The following SH3YL1 variants were observed in gnomAD, a reference collection of about 807,000 sequenced individuals.
SH3YL1 encodes SH3 and SYLF domain containing 1.
SH3YL1 carries 41 observed loss-of-function variants against 45.8 expected under a neutral mutation model. That is an observed-to-expected ratio of 0.89 (90% CI 0.70 to 1.16). The LOEUF is 1.16. Ranked by LOEUF, SH3YL1 falls within the 50% of genes most tolerant of loss-of-function variation. SH3YL1 has a pLI of 0.00. For synonymous variants in SH3YL1, 152 were observed against 151.4 expected, an observed-to-expected ratio of 1.00 and a Z score of -0.03; for missense variants, 389 against 409.6, an observed-to-expected ratio of 0.95 and a Z score of 0.43.
At chr2:230,911 G>A (rs1352378747) in intron 7 of SH3YL1, 112 bp downstream of exon 7, 1 of 972,284 alleles carries the variant, frequency 1.0e-6, no homozygotes, top group Non-Finnish European at 1.6e-6. Context: ...TGAAGTCAGT[G>A]AAACTACGAA....
upstream of SH3YL1, chr2:264,056 G>C: frequency 7.4e-7 from 1 of 1,355,276 alleles, no homozygotes; most frequent in Non-Finnish European, 9.5e-7. Context: ...CCCGCCCCGC[G>C]GACAAGGAGG....
upstream of SH3YL1, chr2:264,204 C>G: frequency 3.7e-6 from 2 of 545,486 alleles, no homozygotes; most frequent in East Asian, 3.5e-5. Flanking sequence ...GGAACCGCCC[C>G]GTCCTCAAGA....
In SH3YL1 at chr2:257,042, G is replaced by A. The variant is rs984148246; in HGVS notation, c.2-3927C>T. 8.5e-5 allele frequency among the ~76,000 whole-genome samples: 13 copies of A among 152,136 alleles called. No homozygotes were observed. In the South Asian group the frequency reaches 1.0e-3, roughly 12 times the overall value. ...GTGTCTGCTTAAATCTTTTGTCCAC[G>A]TCCTTTAACCACTTATTATTATTAT... On this transcript the variant is annotated intron_variant, in intron 1 of 9. Coordinates refer to ENST00000356150, the MANE Select transcript of SH3YL1 (RefSeq NM_015677.4).
At chr2:228,524 A>G (rs1377799486) in intron 8 of SH3YL1, among the ~76,000 whole-genome samples, 2 of 152,234 alleles carry the variant, frequency 1.3e-5, no homozygotes, top group Non-Finnish European at 2.9e-5. Context: ...ATATGCAGGT[A>G]TCCATTCTCA....
chr2:224,294 TAAC>T (rs1456370873), intron 9 of SH3YL1, among the ~76,000 whole-genome samples: 1 of 152,232 alleles, frequency 6.6e-6, no homozygotes, highest in Non-Finnish European at 1.5e-5. Flanking sequence ...TGGTAAATCT[TAAC>T]AAGTTTTATA....
At position 218,615 on chromosome 2, in the gene SH3YL1, AAAGT is replaced by A. The variant is rs746851004; in HGVS notation, c.*192_*195del. 2.6e-5 allele frequency: 14 copies of A among 537,742 alleles called. No individual in the cohort carries two copies. The highest frequency in any genetic ancestry group is 6.8e-5 in the Admixed American group (2 of 29,322). 33.3% of individuals were successfully genotyped at this position (537,742 alleles called of 1,614,324 possible). On this transcript the variant is annotated 3_prime_UTR_variant, in exon 10 of 10. Transcript: ENST00000356150. Reference sequence around the variant, plus strand: ...TATTCTATGACACAGTAAGTGTGATAAAGTTAGTACAAAGTATTTAAAGATATGT... The same window carrying A: ...TATTCTATGACACAGTAAGTGTGATATAGTACAAAGTATTTAAAGATATGT...
chr2:233,880 A>T (rs1430625468), intron 5 of SH3YL1, among the ~76,000 whole-genome samples: 1 of 152,184 alleles, frequency 6.6e-6, no homozygotes. Context: ...TGGCTCTCTC[A>T]AAGCTTAAGG....
chr2:253,239 G>C (rs975087812), intron 1 of SH3YL1, 124 bp from the exon 2 acceptor site: 15 of 613,308 alleles, frequency 2.4e-5, no homozygotes, highest in Non-Finnish European at 3.6e-5. Context: ...ACTCCATTTT[G>C]AATAGGAGCT....
intron 1 of SH3YL1, chr2:255,859 T>C (rs1156282183): frequency 6.6e-6 from 1 of 152,232 alleles, no homozygotes; most frequent in Non-Finnish European, 1.5e-5. Flanking sequence ...TAAAAACAAG[T>C]GGCATCACAG....
intron 8 of SH3YL1, chr2:229,751 A>T: frequency 1.1e-5 from 4 of 359,918 alleles, no homozygotes; most frequent in Non-Finnish European, 2.0e-5. Context: ...AAAAAAAAAG[A>T]AAGTGTCTTA....
chr2:245,806 G>T (rs139225577), intron 4 of SH3YL1, among the ~76,000 whole-genome samples: 1 of 152,188 alleles, frequency 6.6e-6, no homozygotes, highest in East Asian at 1.9e-4. Context: ...CAATTCCACT[G>T]TGCAGCGCAC....
At chr2:245,839 A>G (rs1340681798) in intron 4 of SH3YL1, among the ~76,000 whole-genome samples, 1 of 152,204 alleles carries the variant, frequency 6.6e-6, no homozygotes, top group African/African-American at 2.4e-5. Context: ...TTGTTAACAA[A>G]ACAATAAACT....
In SH3YL1 at chr2:233,222, C is replaced by T; in HGVS notation, c.412G>A (p.Glu138Lys). Residue 138 changes from glutamate (E) to lysine (K), a missense_variant, in exon 6 of 10, where the codon GAA becomes AAA. Glu to Lys is a moderately conservative substitution (Grantham distance 56, BLOSUM62 1). Coordinates refer to ENST00000356150, the MANE Select transcript of SH3YL1 (RefSeq NM_015677.4). ...GAGCTTCTCAGGGCCACGTTTCCTT[C>T]CAAGTTCCTGCAAAGCACAAGATTT... is the stretch of plus-strand genomic sequence containing the variant. ...VAVGPLGRNLEGNVALRSSAA... is the reference protein window; with the variant it reads ...VAVGPLGRNLKGNVALRSSAA... 1 of 1,569,104 alleles carries T rather than the reference C, an allele frequency of 6.4e-7. No individual in the cohort carries two copies. Among genetic ancestry groups the T allele is most frequent in the Non-Finnish European group, 8.6e-7 (1 of 1,157,238 alleles).
intron 2 of SH3YL1, among the ~76,000 whole-genome samples, chr2:250,844 A>G (rs1479029698): frequency 6.6e-6 from 1 of 152,226 alleles, no homozygotes; most frequent in Admixed American, 6.5e-5. Context: ...GCTGTTCTTA[A>G]TAAGAAAGCT....
At chr2:242,826 A>G in intron 4 of SH3YL1, 1 of 1,534,248 alleles carries the variant, frequency 6.5e-7, no homozygotes, top group South Asian at 1.2e-5. Flanking sequence ...AGGATGGAGA[A>G]AGATGTGTCA....
chr2:236,100 T>C (rs1402484668), intron 4 of SH3YL1, among the ~76,000 whole-genome samples: 7 of 32,996 alleles, frequency 2.1e-4, no homozygotes, highest in East Asian at 1.0e-3. Context: ...GCAGCATGGG[T>C]CAGGGGAGGC....
intron 4 of SH3YL1, among the ~76,000 whole-genome samples, chr2:234,855 ATGCCTATT>A (rs1668216304): frequency 6.6e-6 from 1 of 152,166 alleles, no homozygotes; most frequent in Non-Finnish European, 1.5e-5. Context: ...TCCATTAGGA[ATGCCTATT>A]TCCATGACTT....
chr2:248,931 T>C (rs1668952517), intron 3 of SH3YL1, among the ~76,000 whole-genome samples: 1 of 152,146 alleles, frequency 6.6e-6, no homozygotes, highest in African/African-American at 2.4e-5. Context: ...TGGTAAGAAA[T>C]GGTGAATCTG....
intron 4 of SH3YL1, among the ~76,000 whole-genome samples, chr2:238,600 G>A (rs539592090): frequency 1.3e-5 from 2 of 151,992 alleles, no homozygotes; most frequent in African/African-American, 4.8e-5. Context: ...CCCAGTGTGA[G>A]CTCTAGCTCT....
Sources: gnomAD v4.1 joint callset for allele counts (sites outside exome capture counted in the v4.1 genomes callset) on GRCh38, gnomAD v4.1.1 for gene constraint, MANE v1.5 for transcripts, NCBI Gene and HGNC (gene_info 2026-07-23, HGNC 2026-07-21) for gene names.